CACNA2D3: variants seen among roughly 807,000 people sequenced by gnomAD.
CACNA2D3 encodes calcium voltage-gated channel auxiliary subunit alpha2delta 3, also known as voltage-dependent calcium channel subunit alpha-2/delta-3.
In CACNA2D3, 60 loss-of-function variants were observed where a neutral mutation model predicts 160.6. The ratio of observed to expected loss-of-function variants is 0.37; its 90% CI spans 0.30 to 0.46. CACNA2D3 has a LOEUF of 0.46. Among genes scored for constraint, CACNA2D3 ranks in the 20% least tolerant of loss-of-function variants. CACNA2D3 has a pLI of 1.00. For missense variants in CACNA2D3, 1,205 were observed against 1,365.0 expected (o/e 0.88, Z 1.85); for synonymous variants, 558 against 492.9 (o/e 1.13, Z -1.75).
At chr3:55,007,655 C>A in intron 32 of CACNA2D3, 135 bp from the exon 33 acceptor site, 1 of 611,444 alleles carries the variant, frequency 1.6e-6, no homozygotes, top group Non-Finnish European at 2.8e-6. Context: ...CTTCACTTAG[C>A]TAGAACGCCA....
intron 16 of CACNA2D3, among the ~76,000 whole-genome samples, chr3:54,844,648 G>A (rs1698896341): frequency 6.6e-6 from 1 of 151,908 alleles, no homozygotes; most frequent in Non-Finnish European, 1.5e-5. Context: ...TTACATTCTG[G>A]TAGGGGAGGC....
intron 27 of CACNA2D3, among the ~76,000 whole-genome samples, chr3:54,936,348 A>G (rs1701328439): frequency 6.6e-6 from 1 of 152,196 alleles, no homozygotes; most frequent in Admixed American, 6.5e-5. Flanking sequence ...ATCTTTTCGT[A>G]TTATAAAGCC....
At chr3:54,757,981 A>T (rs1401725910) in intron 12 of CACNA2D3, among the ~76,000 whole-genome samples, 1 of 152,194 alleles carries the variant, frequency 6.6e-6, no homozygotes, top group Non-Finnish European at 1.5e-5. Context: ...TCTTCATTTG[A>T]GGTAATCTAG....
At chr3:54,456,460 G>A (rs1247225249) in intron 4 of CACNA2D3, among the ~76,000 whole-genome samples, 1 of 151,762 alleles carries the variant, frequency 6.6e-6, no homozygotes, top group East Asian at 1.9e-4. Flanking sequence ...TAAGAGTTTT[G>A]GTGGAGTCTT....
At chr3:54,932,120 A>G (rs1701205347) in intron 27 of CACNA2D3, among the ~76,000 whole-genome samples, 1 of 152,118 alleles carries the variant, frequency 6.6e-6, no homozygotes, top group South Asian at 2.1e-4. Flanking sequence ...AGTGGGCTGC[A>G]GTGAGCCGAG....
chr3:54,710,615 G>A (rs900336325), intron 11 of CACNA2D3, among the ~76,000 whole-genome samples: 1 of 152,166 alleles, frequency 6.6e-6, no homozygotes, highest in Non-Finnish European at 1.5e-5. Context: ...GGAAAACTGG[G>A]AAACACAGTC....
chr3:54,754,670 G>T (rs1701938643), intron 12 of CACNA2D3, among the ~76,000 whole-genome samples: 1 of 152,090 alleles, frequency 6.6e-6, no homozygotes, highest in Admixed American at 6.5e-5. Flanking sequence ...AATAAAGGAA[G>T]GTAGGTCCTG....
At chr3:54,372,382 T>C (rs1478358452) in intron 3 of CACNA2D3, among the ~76,000 whole-genome samples, 6 of 152,280 alleles carry the variant, frequency 3.9e-5, no homozygotes, top group Admixed American at 2.6e-4. Context: ...GACTCCACTC[T>C]GGTCATGTCA....
At chr3:54,991,748 A>G (rs972923066) in intron 31 of CACNA2D3, among the ~76,000 whole-genome samples, 1 of 152,184 alleles carries the variant, frequency 6.6e-6, no homozygotes, top group African/African-American at 2.4e-5. Flanking sequence ...CTGTGTGGCC[A>G]TGGACGGTGT....
In CACNA2D3 at chr3:54,880,794, A is replaced by C. The variant is rs1699777983; in HGVS notation, c.1845-2A>C. 1 of 1,613,298 alleles carries C rather than the reference A, an allele frequency of 6.2e-7. No individual in the cohort carries two copies. Among genetic ancestry groups the C allele is most frequent in the Non-Finnish European group, 8.5e-7 (1 of 1,179,364 alleles). On this transcript the variant is annotated splice_acceptor_variant, in intron 20 of 37. Coordinates refer to ENST00000474759, the MANE Select transcript of CACNA2D3 (RefSeq NM_018398.3). LOFTEE classifies it high-confidence loss of function. ...CAAGATTTGCTTTGTCTCTCTGCAC[A>C]GTTTAGGTGTGGCGCTTTCCAGAGG...
intron 16 of CACNA2D3, among the ~76,000 whole-genome samples, chr3:54,845,958 G>C (rs1698921598): frequency 6.6e-6 from 1 of 152,198 alleles, no homozygotes; most frequent in South Asian, 2.1e-4. Flanking sequence ...TGTGGGCGTG[G>C]AATTATACGA....
chr3:54,626,450 T>C (rs1575390810), intron 9 of CACNA2D3: 19 of 1,596,370 alleles, frequency 1.2e-5, no homozygotes, highest in Middle Eastern at 1.9e-4. Context: ...AAGACGCACC[T>C]GCGTGACGTG....
At chr3:54,453,387 G>A (rs557385283) in intron 4 of CACNA2D3, among the ~76,000 whole-genome samples, 1 of 152,286 alleles carries the variant, frequency 6.6e-6, no homozygotes, top group South Asian at 2.1e-4. Flanking sequence ...CAGAGACCCA[G>A]TTTCCAAGTA....
chr3:54,356,828 A>C (rs115409692), intron 3 of CACNA2D3, among the ~76,000 whole-genome samples: 144 of 152,304 alleles, frequency 9.5e-4, no homozygotes, highest in African/African-American at 3.3e-3. Context: ...CACTTTCAGG[A>C]ATGATAAACA....
At chr3:54,184,494 G>A (rs186835686) in intron 2 of CACNA2D3, among the ~76,000 whole-genome samples, 1 of 152,312 alleles carries the variant, frequency 6.6e-6, no homozygotes, top group Admixed American at 6.5e-5. Context: ...AACCCAGGCT[G>A]TGCTTAGCAT....
intron 27 of CACNA2D3, among the ~76,000 whole-genome samples, chr3:54,921,080 G>A (rs778759903): frequency 3.3e-5 from 5 of 152,172 alleles, no homozygotes; most frequent in Admixed American, 6.5e-5. Flanking sequence ...CAAATCTGCT[G>A]ATTACAGCTT....
At chr3:54,647,647 A>T (rs538303840) in intron 11 of CACNA2D3, among the ~76,000 whole-genome samples, 1 of 151,976 alleles carries the variant, frequency 6.6e-6, no homozygotes, top group Non-Finnish European at 1.5e-5. Flanking sequence ...GGAACAGACC[A>T]GGGGGGGCAT....
intron 2 of CACNA2D3, among the ~76,000 whole-genome samples, chr3:54,196,880 C>T (rs905959026): frequency 5.3e-5 from 8 of 152,236 alleles, no homozygotes; most frequent in South Asian, 2.1e-4. Context: ...GATACATTAT[C>T]GACGGAAGAT....
intron 27 of CACNA2D3, among the ~76,000 whole-genome samples, chr3:54,951,417 C>T (rs1701753705): frequency 6.6e-6 from 1 of 152,234 alleles, no homozygotes; most frequent in Non-Finnish European, 1.5e-5. Flanking sequence ...GAGTTCCAAG[C>T]CATCGACACC....
Sources: gnomAD v4.1 joint callset for allele counts (sites outside exome capture counted in the v4.1 genomes callset) on GRCh38, gnomAD v4.1.1 for gene constraint, MANE v1.5 for transcripts, NCBI Gene and HGNC (gene_info 2026-07-23, HGNC 2026-07-21) for gene names.